MROH9: variants seen among roughly 807,000 people sequenced by gnomAD.
MROH9 encodes maestro heat-like repeat-containing protein family member 9.
A neutral mutation model predicts 98.2 loss-of-function variants in MROH9; 92 were observed. The ratio of observed to expected loss-of-function variants is 0.94; its 90% CI spans 0.79 to 1.11. The LOEUF (loss-of-function observed/expected upper bound fraction) is 1.11, where lower values mean the gene tolerates loss of function less well. Ranked by LOEUF, MROH9 falls within the 50% of genes most tolerant of loss-of-function variation. MROH9 has a pLI of 0.00. For synonymous variants in MROH9, 397 were observed against 368.9 expected (o/e 1.08, Z -0.87); for missense variants, 1,057 against 1,014.8 (o/e 1.04, Z -0.57).
intron 12 of MROH9, among the ~76,000 whole-genome samples, chr1:170,992,635 G>A (rs1213253647): frequency 6.6e-6 from 1 of 152,142 alleles, no homozygotes; most frequent in Non-Finnish European, 1.5e-5. Context: ...AGTTGGTCAG[G>A]GCAGGCCTCT....
intron 6 of MROH9, among the ~76,000 whole-genome samples, chr1:170,964,366 C>T (rs942902592): frequency 6.6e-6 from 1 of 151,870 alleles, no homozygotes; most frequent in Non-Finnish European, 1.5e-5. Context: ...GAGGCTGACC[C>T]CTCTGAGATT....
chr1:170,952,542 T>C (rs1649595085), intron 3 of MROH9, among the ~76,000 whole-genome samples: 1 of 140,868 alleles, frequency 7.1e-6, no homozygotes, highest in Admixed American at 8.0e-5. Context: ...TAGGTGGGAA[T>C]TGAACAATGA....
intron 17 of MROH9, among the ~76,000 whole-genome samples, chr1:171,019,399 A>T (rs1652434362): frequency 6.6e-6 from 1 of 152,166 alleles, no homozygotes; most frequent in Non-Finnish European, 1.5e-5. Flanking sequence ...GATGCCTGTA[A>T]TCCCAGCACT....
At chr1:170,980,866 T>C (rs1650902250) in intron 8 of MROH9, among the ~76,000 whole-genome samples, 1 of 152,038 alleles carries the variant, frequency 6.6e-6, no homozygotes, top group Non-Finnish European at 1.5e-5. Flanking sequence ...TTGCAATCTA[T>C]CCATGTGACA....
chr1:171,063,596 T>A (rs917350881), intron 21 of MROH9, among the ~76,000 whole-genome samples: 1 of 152,208 alleles, frequency 6.6e-6, no homozygotes, highest in African/African-American at 2.4e-5. Context: ...TATATTTTTT[T>A]AAACTATCAT....
At chr1:170,972,236 A>G (rs932096170) in intron 8 of MROH9, among the ~76,000 whole-genome samples, 2 of 152,182 alleles carry the variant, frequency 1.3e-5, no homozygotes, top group African/African-American at 4.8e-5. Context: ...CTGATAGACT[A>G]CTCAGAAGAT....
chr1:171,061,878 T>C (rs1046746715), intron 20 of MROH9, among the ~76,000 whole-genome samples: 2 of 152,172 alleles, frequency 1.3e-5, no homozygotes, highest in Admixed American at 6.5e-5. Context: ...TTTAATAACC[T>C]AAATGGTAGC....
intron 3 of MROH9, among the ~76,000 whole-genome samples, chr1:170,956,155 A>G (rs1347353171): frequency 1.3e-5 from 2 of 152,140 alleles, no homozygotes; most frequent in Non-Finnish European, 2.9e-5. Flanking sequence ...TGGATTCTCT[A>G]TTCTGTTCCA....
At position 171,044,972 on chromosome 1, in the gene MROH9, C is replaced by CTTTTTTTTTTTT. The variant is rs754332732; in HGVS notation, c.2282-17124_2282-17113dup. Among the ~76,000 whole-genome samples, 230 of 45,706 alleles carry CTTTTTTTTTTTT rather than the reference C, an allele frequency of 5.0e-3. 46 individuals carry two copies. The highest frequency in any genetic ancestry group is 0.024 in the Middle Eastern group (2 of 82). 30.0% of individuals were successfully genotyped at this position (45,706 alleles called of 152,430 possible). ...CAATTCCATTTATTTCTGCTCTGATCTTTTTTTTTTTTTTTTTTTTTTTTT... is the reference window on the plus strand; with the variant it reads ...CAATTCCATTTATTTCTGCTCTGATCTTTTTTTTTTTTTTTTTTTTTTTTTTTTTTTTTTTTT... On this transcript the variant is annotated intron_variant, in intron 20 of 21. Coordinates refer to ENST00000367759, the MANE Select transcript of MROH9 (RefSeq NM_001163629.2).
chr1:170,985,711 A>G (rs1053860536), intron 9 of MROH9, among the ~76,000 whole-genome samples: 4 of 152,056 alleles, frequency 2.6e-5, no homozygotes, highest in African/African-American at 4.8e-5. Flanking sequence ...AGGGCAAACT[A>G]TTTATGATAT....
chr1:171,039,632 G>A (rs770563247), intron 20 of MROH9, among the ~76,000 whole-genome samples: 1 of 152,116 alleles, frequency 6.6e-6, no homozygotes, highest in Non-Finnish European at 1.5e-5. Flanking sequence ...TGTTAGCTGG[G>A]TGGCCAGCTA....
chr1:170,948,172 T>C (rs762350706), intron 3 of MROH9, among the ~76,000 whole-genome samples: 3 of 152,024 alleles, frequency 2.0e-5, no homozygotes, highest in Non-Finnish European at 4.4e-5. Flanking sequence ...GTTTTAAAAT[T>C]CTGAACCTCT....
intron 20 of MROH9, among the ~76,000 whole-genome samples, chr1:171,039,669 A>G (rs78561045): frequency 0.012 from 1,840 of 152,282 alleles, 34 homozygotes; most frequent in African/African-American, 0.041. Flanking sequence ...TAAAACCACT[A>G]AAGAAAAAAA....
chr1:170,959,728 A>G, intron 5 of MROH9, 131 bp downstream of exon 5: 11 of 717,654 alleles, frequency 1.5e-5, no homozygotes, highest in Non-Finnish European at 2.3e-5. Context: ...CAGTCAGGGC[A>G]CTAATCTATA....
chr1:170,994,777 A>C (rs1455477994), intron 12 of MROH9, among the ~76,000 whole-genome samples: 1 of 151,924 alleles, frequency 6.6e-6, no homozygotes, highest in Non-Finnish European at 1.5e-5. Context: ...TAACCAATAA[A>C]TCTCATTTTT....
At chr1:171,048,527 A>T (rs1178631449) in intron 20 of MROH9, among the ~76,000 whole-genome samples, 2 of 152,042 alleles carry the variant, frequency 1.3e-5, no homozygotes, top group Non-Finnish European at 2.9e-5. Flanking sequence ...CTGGCCCACG[A>T]TTCACCCTTC....
rs963306482 is a variant in MROH9, at chr1:170,965,053, T to C, written c.376-98T>C. 15 of 721,834 alleles carry C rather than the reference T, an allele frequency of 2.1e-5. No homozygotes were observed. The African/African-American group carries it at 2.7e-4, about 13-fold the overall frequency. The allele number at this position is 721,834 out of a possible 1,614,324, so 44.7% of individuals were successfully genotyped here. On this transcript the variant is annotated intron_variant, in intron 6 of 21. Transcript: ENST00000367759. ...GTTAAGTGTGAAATAACCAGGAGAA[T>C]GTAGGAAGGCCTGATTTGGTGAAGT...
At chr1:171,037,988 T>A (rs1653162717) in intron 20 of MROH9, among the ~76,000 whole-genome samples, 1 of 151,820 alleles carries the variant, frequency 6.6e-6, no homozygotes, top group Non-Finnish European at 1.5e-5. Context: ...ATAAATAAAA[T>A]CAAATTAAAT....
chr1:171,014,430 T>C (rs895833520), intron 16 of MROH9, among the ~76,000 whole-genome samples, 176 bp downstream of exon 16: 4 of 152,244 alleles, frequency 2.6e-5, no homozygotes, highest in East Asian at 3.9e-4. Flanking sequence ...AAAGGATGTG[T>C]TAAGTCCACT....
Sources: allele counts gnomAD v4.1 joint callset (sites outside exome capture counted in the v4.1 genomes callset), GRCh38; gene constraint gnomAD v4.1.1; transcripts MANE v1.5; gene names NCBI Gene and HGNC (gene_info 2026-07-23, HGNC 2026-07-21).